RBM41: variants seen among roughly 807,000 people sequenced by gnomAD.
RBM41 encodes the protein RNA-binding protein 41.
In RBM41, 14 loss-of-function variants were observed where a neutral mutation model predicts 30.8. That is an observed-to-expected ratio of 0.45 (90% confidence interval 0.30 to 0.71). RBM41 has a LOEUF of 0.71. RBM41 is among the 30% of genes least tolerant of loss of function. The pLI is 0.08. For synonymous variants in RBM41, 120 were observed against 110.1 expected, an observed-to-expected ratio of 1.09 and a Z score of -0.56; for missense variants, 276 against 326.3, an observed-to-expected ratio of 0.85 and a Z score of 1.19.
chrX:107,113,509 A>T (rs1269158294), intron 4 of RBM41, 41 bp from the exon 5 acceptor site: 3 of 978,846 alleles, frequency 3.1e-6, no homozygotes, highest in East Asian at 1.5e-4. Context: ...GATAGGAAAC[A>T]GAACAGATTC....
chrX:107,060,749 A>G (rs1384334770), downstream of RBM41, among the ~76,000 whole-genome samples: 1 of 111,529 alleles, frequency 9.0e-6, no homozygotes, highest in Non-Finnish European at 1.9e-5. Context: ...GTAGTGGGCA[A>G]AAGTATGATG....
intron 6 of RBM41, among the ~76,000 whole-genome samples, chrX:107,078,155 A>G (rs1054501146): frequency 3.6e-5 from 4 of 111,750 alleles, no homozygotes; most frequent in Admixed American, 2.8e-4. Context: ...CACACAATCA[A>G]TATGATTCAT....
At chrX:107,109,220 C>G (rs894391994) in intron 5 of RBM41, among the ~76,000 whole-genome samples, 5 of 110,633 alleles carry the variant, frequency 4.5e-5, no homozygotes, top group Non-Finnish European at 9.5e-5. Flanking sequence ...AAACAGAAAA[C>G]AAAAAGCAAA....
At chrX:107,070,843 G>A (rs1189795100) in intron 6 of RBM41, among the ~76,000 whole-genome samples, 4 of 109,946 alleles carry the variant, frequency 3.6e-5, no homozygotes, top group African/African-American at 1.3e-4. Context: ...GCAACACAGT[G>A]AGACCCTGTC....
At chrX:107,081,589 A>G (rs749723290) in intron 6 of RBM41, among the ~76,000 whole-genome samples, 1 of 112,282 alleles carries the variant, frequency 8.9e-6, no homozygotes, top group East Asian at 2.8e-4. Flanking sequence ...GAATCTACAA[A>G]TCAATTTGAG....
chrX:107,067,697 A>C lies in RBM41; in HGVS notation c.1148-4T>G. ...GCTTGCCATGCTATCTCCTTATCTA[A>C]AAGAGAAAGAAAAAATTTCAATTTA... On this transcript the variant is annotated splice_region_variant and splice_polypyrimidine_tract_variant and intron_variant, in intron 7 of 7. Coordinates refer to ENST00000685964, the MANE Select transcript of RBM41 (RefSeq NM_001324242.2). The C allele has an allele frequency of 8.4e-7, 1 of 1,186,180 alleles. No individual in the cohort carries two copies. The highest frequency in any genetic ancestry group is 1.1e-6 in the Non-Finnish European group (1 of 884,584).
At chrX:107,083,847 A>G (rs1921769319) in intron 6 of RBM41, among the ~76,000 whole-genome samples, 1 of 110,224 alleles carries the variant, frequency 9.1e-6, no homozygotes, top group African/African-American at 3.3e-5. Flanking sequence ...TGGTTATTTT[A>G]AATTCCATAT....
intron 6 of RBM41, among the ~76,000 whole-genome samples, chrX:107,076,916 C>CT (rs1396214995): frequency 9.0e-6 from 1 of 111,662 alleles, no homozygotes; most frequent in Non-Finnish European, 1.9e-5. Flanking sequence ...GTAGTAGAAT[C>CT]TTTAAGTTTC....
At chrX:107,100,543 A>G (rs1468875043) in intron 5 of RBM41, among the ~76,000 whole-genome samples, 1 of 111,452 alleles carries the variant, frequency 9.0e-6, no homozygotes. Context: ...ACTAATAATA[A>G]AGGGAAAAAA....
At chrX:107,087,873 A>C (rs909843993) in intron 6 of RBM41, among the ~76,000 whole-genome samples, 1 of 112,520 alleles carries the variant, frequency 8.9e-6, no homozygotes, top group African/African-American at 3.2e-5. Flanking sequence ...AAGTGCTTGG[A>C]TTACAGGCAT....
At chrX:107,055,299 A>G in the RBM41 span, among the ~76,000 whole-genome samples, 1 of 112,168 alleles carries the variant, frequency 8.9e-6, no homozygotes, top group East Asian at 2.8e-4. Flanking sequence ...TAGTGTTACA[A>G]CAAACGCTAG....
chrX:107,069,113 A>G, intron 7 of RBM41, 142 bp downstream of exon 7: 1 of 553,578 alleles, frequency 1.8e-6, no homozygotes, highest in Non-Finnish European at 2.8e-6. Flanking sequence ...AGAAAGAAAC[A>G]CTGAAAACAT....
chrX:107,068,296 C>T (rs1935916321), intron 7 of RBM41, among the ~76,000 whole-genome samples: 1 of 110,918 alleles, frequency 9.0e-6, no homozygotes, highest in Non-Finnish European at 1.9e-5. Context: ...TTGTGGAATC[C>T]TAAGTAGACA....
intron 5 of RBM41, among the ~76,000 whole-genome samples, chrX:107,098,096 G>A (rs1242698557): frequency 9.0e-6 from 1 of 111,666 alleles, no homozygotes; most frequent in African/African-American, 3.3e-5. Context: ...AAATTATTCA[G>A]AATCACAAAA....
Position 107,062,082 on chromosome X carries a change from C to A in RBM41, c.*5445G>T, listed in dbSNP as rs942978091. On this transcript the variant is annotated 3_prime_UTR_variant, in exon 8 of 8. Transcript: ENST00000685964. ...TAGTCAAGGAGCATTCCAACCTTAA[C>A]CCCTGACATCCACTGAAGTTTTTTC... Among the ~76,000 whole-genome samples, 1 of 111,877 alleles carries A rather than the reference C, an allele frequency of 8.9e-6. No homozygotes were observed. Among genetic ancestry groups the A allele is most frequent in the African/African-American group, 3.2e-5 (1 of 30,819 alleles).
chrX:107,105,078 G>C (rs1297884398), intron 5 of RBM41, among the ~76,000 whole-genome samples: 6 of 111,091 alleles, frequency 5.4e-5, no homozygotes, highest in Non-Finnish European at 1.1e-4. Context: ...AAGTCAAATT[G>C]TCCCTGTTTG....
At chrX:107,113,011 G>A in intron 5 of RBM41, 1 of 219,039 alleles carries the variant, frequency 4.6e-6, no homozygotes, top group East Asian at 1.3e-4. Context: ...CAAAAAAGAA[G>A]AAGCCCCATG....
At chrX:107,118,745 G>T (rs765825322) in intron 1 of RBM41, 21 bp downstream of exon 1, 2 of 1,211,447 alleles carry the variant, frequency 1.7e-6, no homozygotes, top group Non-Finnish European at 1.1e-6. Flanking sequence ...CTTGCCGCCT[G>T]CTCTTCAGAC....
intron 4 of RBM41, 81 bp from the exon 5 acceptor site, chrX:107,113,549 C>G: frequency 1.0e-6 from 1 of 964,439 alleles, no homozygotes; most frequent in Non-Finnish European, 1.3e-6. Flanking sequence ...CCCCAAATAC[C>G]AGGTACTGCT....
Sources: allele counts gnomAD v4.1 joint callset (sites outside exome capture counted in the v4.1 genomes callset), GRCh38; gene constraint gnomAD v4.1.1; transcripts MANE v1.5; gene names NCBI Gene and HGNC (gene_info 2026-07-23, HGNC 2026-07-21).